MDGA2: variants seen among roughly 807,000 people sequenced by gnomAD.
MDGA2 encodes the protein MAM domain containing glycosylphosphatidylinositol anchor 2.
A neutral mutation model predicts 117.8 loss-of-function variants in MDGA2; 40 were observed. The ratio of observed to expected loss-of-function variants is 0.34; its 90% CI spans 0.26 to 0.44. The LOEUF is 0.44. Ranked by LOEUF, MDGA2 falls within the 20% of genes least tolerant of loss-of-function variation. The pLI is 1.00. For missense variants in MDGA2, 1,123 were observed against 1,250.6 expected (o/e 0.90, Z 1.54); for synonymous variants, 452 against 439.0 (o/e 1.03, Z -0.37).
In MDGA2 at chr14:47,127,134, A is replaced by G. The variant is rs529841646; in HGVS notation, c.925+4580T>C. 7.9e-5 allele frequency among the ~76,000 whole-genome samples: 12 copies of G among 152,300 alleles called. No individual in the cohort carries two copies. The East Asian group carries it at 1.2e-3, about 15-fold the overall frequency. On this transcript the variant is annotated intron_variant, in intron 5 of 16. Transcript: ENST00000399232. ...CAATATGTATAATTTTCTTCTTTCA[A>G]TAAGGTACACATTTTCCTTGACATT...
intron 9 of MDGA2, among the ~76,000 whole-genome samples, chr14:46,947,078 C>G (rs939557648): frequency 1.3e-5 from 2 of 152,158 alleles, no homozygotes; most frequent in Non-Finnish European, 2.9e-5. Context: ...CCCTCAGATC[C>G]ATCTCTTTCT....
At chr14:47,114,816 C>T (rs1178061346) in intron 5 of MDGA2, among the ~76,000 whole-genome samples, 1 of 151,898 alleles carries the variant, frequency 6.6e-6, no homozygotes, top group African/African-American at 2.4e-5. Flanking sequence ...ACTATAAAAA[C>T]CCTAGAAGAA....
At chr14:47,266,812 A>T (rs553468097) in intron 2 of MDGA2, among the ~76,000 whole-genome samples, 104 of 152,244 alleles carry the variant, frequency 6.8e-4, no homozygotes, top group Non-Finnish European at 1.2e-3. Context: ...TAATTTGATT[A>T]ATTATTCAAC....
intron 3 of MDGA2, among the ~76,000 whole-genome samples, chr14:47,169,831 T>C (rs562292420): frequency 1.1e-4 from 16 of 152,156 alleles, no homozygotes; most frequent in Admixed American, 8.5e-4. Context: ...ATACTACTGA[T>C]TAAAGGTTTT....
chr14:47,038,653 C>T (rs1888946955), intron 7 of MDGA2, among the ~76,000 whole-genome samples: 1 of 151,808 alleles, frequency 6.6e-6, no homozygotes, highest in African/African-American at 2.4e-5. Context: ...CTGTCTCTTC[C>T]TAGGCTAGAT....
intron 2 of MDGA2, among the ~76,000 whole-genome samples, chr14:47,259,824 G>T (rs560828144): frequency 4.6e-5 from 7 of 152,176 alleles, no homozygotes; most frequent in African/African-American, 1.4e-4. Flanking sequence ...GCAGGATGTT[G>T]CACATTTAGA....
chr14:47,091,673 G>A (rs111812349), intron 6 of MDGA2, among the ~76,000 whole-genome samples: 1 of 151,998 alleles, frequency 6.6e-6, no homozygotes, highest in Non-Finnish European at 1.5e-5. Context: ...TTATTTCTGA[G>A]TGCACAGTAA....
intron 1 of MDGA2, among the ~76,000 whole-genome samples, chr14:47,368,046 G>A (rs1891267961): frequency 2.6e-5 from 4 of 152,106 alleles, no homozygotes; most frequent in Admixed American, 2.6e-4. Context: ...TTGGGAGGCT[G>A]AGGAGGGTGG....
At chr14:47,298,687 T>TTC (rs1008421080) in intron 2 of MDGA2, among the ~76,000 whole-genome samples, 11 of 125,198 alleles carry the variant, frequency 8.8e-5, no homozygotes, top group South Asian at 4.7e-4. Context: ...ATTTTTCTTT[T>TTC]TTTTTTTTTT....
intron 1 of MDGA2, among the ~76,000 whole-genome samples, chr14:47,636,784 CAAAAAAAAAAAAAAA>C (rs56313968): frequency 7.0e-4 from 32 of 46,002 alleles, no homozygotes; most frequent in Middle Eastern, 0.028. Context: ...GACTCCGTCT[CAAAAAAAAAAAAAAA>C]AAAAAAAAAA....
At chr14:46,844,159 T>G (rs1326615513) in intron 16 of MDGA2, among the ~76,000 whole-genome samples, 5 of 152,112 alleles carry the variant, frequency 3.3e-5, no homozygotes, top group Admixed American at 3.3e-4. Flanking sequence ...CAAAAAAGGG[T>G]ATAAAGTGAA....
At chr14:46,964,668 T>C (rs905775265) in intron 8 of MDGA2, among the ~76,000 whole-genome samples, 1 of 152,186 alleles carries the variant, frequency 6.6e-6, no homozygotes, top group Admixed American at 6.5e-5. Context: ...TTTGGAATGA[T>C]TACAAAATCA....
chr14:47,561,772 G>C (rs1287178563), intron 1 of MDGA2, among the ~76,000 whole-genome samples: 3 of 152,184 alleles, frequency 2.0e-5, no homozygotes, highest in African/African-American at 7.2e-5. Context: ...TGTTGAACAG[G>C]AGTGGTGAGG....
chr14:47,487,607 CT>C (rs1469301691), intron 1 of MDGA2, among the ~76,000 whole-genome samples: 1 of 152,052 alleles, frequency 6.6e-6, no homozygotes, highest in Non-Finnish European at 1.5e-5. Context: ...ATCTAAATGA[CT>C]TCTTTACAGA....
chr14:47,175,917 A>T (rs1884422294), intron 3 of MDGA2, among the ~76,000 whole-genome samples: 1 of 152,116 alleles, frequency 6.6e-6, no homozygotes, highest in Non-Finnish European at 1.5e-5. Context: ...CCTCAGCCCA[A>T]AATCTCCTTA....
intron 1 of MDGA2, among the ~76,000 whole-genome samples, chr14:47,359,301 C>G (rs1290260165): frequency 6.6e-6 from 1 of 152,132 alleles, no homozygotes; most frequent in African/African-American, 2.4e-5. Flanking sequence ...CTGCAGTGAA[C>G]TGAGATCACA....
intron 1 of MDGA2, among the ~76,000 whole-genome samples, chr14:47,362,974 T>C (rs1891155721): frequency 6.6e-6 from 1 of 152,190 alleles, no homozygotes; most frequent in Admixed American, 6.5e-5. Flanking sequence ...AAGCAATTAG[T>C]AAAGCTTTTG....
intron 1 of MDGA2, among the ~76,000 whole-genome samples, chr14:47,394,507 C>CA (rs1459321058): frequency 3.3e-5 from 5 of 151,916 alleles, no homozygotes; most frequent in African/African-American, 9.7e-5. Context: ...ATTTTATCTG[C>CA]AAAAAATAGT....
At chr14:47,048,942 A>G (rs985022800) in intron 7 of MDGA2, among the ~76,000 whole-genome samples, 1 of 152,102 alleles carries the variant, frequency 6.6e-6, no homozygotes, top group African/African-American at 2.4e-5. Context: ...AACCACATAA[A>G]AACTTATATA....
Sources: allele counts gnomAD v4.1 joint callset (sites outside exome capture counted in the v4.1 genomes callset), GRCh38; gene constraint gnomAD v4.1.1; transcripts MANE v1.5; gene names NCBI Gene and HGNC (gene_info 2026-07-23, HGNC 2026-07-21).